DCLK2: variants seen among roughly 807,000 people sequenced by gnomAD.
The protein encoded by DCLK2 is serine/threonine-protein kinase DCLK2.
A neutral mutation model predicts 78.4 loss-of-function variants in DCLK2; 31 were observed. That is an observed-to-expected ratio of 0.40 (90% CI 0.30 to 0.53). The LOEUF (loss-of-function observed/expected upper bound fraction) is 0.53. Among genes scored for constraint, DCLK2 ranks in the 20% least tolerant of loss-of-function variants. The pLI is 0.61. For missense variants in DCLK2, 872 were observed against 973.7 expected (o/e 0.90, Z 1.39); for synonymous variants, 407 against 374.9 (o/e 1.09, Z -0.99).
chr4:150,233,569 T>C (rs1742242540), intron 10 of DCLK2, among the ~76,000 whole-genome samples: 1 of 152,194 alleles, frequency 6.6e-6, no homozygotes, highest in African/African-American at 2.4e-5. Context: ...GGGAATAATT[T>C]TGGAAATAGT....
At chr4:150,221,003 C>T (rs1484096978) in intron 6 of DCLK2, among the ~76,000 whole-genome samples, 1 of 152,174 alleles carries the variant, frequency 6.6e-6, no homozygotes, top group Non-Finnish European at 1.5e-5. Flanking sequence ...AGATTTTAGA[C>T]TTGGGCTTCT....
intron 2 of DCLK2, among the ~76,000 whole-genome samples, chr4:150,104,782 A>C (rs1201277946): frequency 1.3e-5 from 2 of 152,152 alleles, no homozygotes; most frequent in Non-Finnish European, 2.9e-5. Context: ...CACTAAAAAA[A>C]AAATTTCTAT....
At chr4:150,153,012 C>T (rs1029458192) in intron 2 of DCLK2, among the ~76,000 whole-genome samples, 3 of 152,204 alleles carry the variant, frequency 2.0e-5, no homozygotes, top group South Asian at 4.1e-4. Flanking sequence ...TCCCTCCTCT[C>T]CAGAGTTGGA....
At position 150,079,120 on chromosome 4, in the gene DCLK2, CG is replaced by C; in HGVS notation, c.98del (p.Gly33AlafsTer72). 6.3e-7 allele frequency: 1 copy of C among 1,580,320 alleles called. No individual in the cohort carries two copies. Among genetic ancestry groups the C allele is most frequent in the Non-Finnish European group, 8.6e-7 (1 of 1,164,788 alleles). On this transcript the variant is annotated frameshift_variant, in exon 1 of 16. Transcript: ENST00000296550. LOFTEE classifies it high-confidence loss of function. ...CGCGGAGAGGGGCCCCCAGCTCCTC[CG>C]GGGGCAGCAGCAGCTCGGGCCCCAA... is the stretch of plus-strand genomic sequence containing the variant. ...GSRRGAPSSS[G>X]GSSSSGPKGN...
chr4:150,168,433 C>G (rs1193869396), intron 2 of DCLK2, among the ~76,000 whole-genome samples: 1 of 151,868 alleles, frequency 6.6e-6, no homozygotes, highest in African/African-American at 2.4e-5. Context: ...AGTGTAAAGA[C>G]TTCCTTTCAT....
At chr4:150,154,415 T>C (rs924335508) in intron 2 of DCLK2, among the ~76,000 whole-genome samples, 2 of 152,162 alleles carry the variant, frequency 1.3e-5, no homozygotes, top group African/African-American at 4.8e-5. Context: ...TCTCTTAAGG[T>C]GCTTATCTTG....
chr4:150,167,601 G>A (rs1275253161), intron 2 of DCLK2, among the ~76,000 whole-genome samples: 2 of 152,202 alleles, frequency 1.3e-5, no homozygotes, highest in South Asian at 4.1e-4. Flanking sequence ...ACAGTAGGTA[G>A]CTAGTCAGGC....
intron 2 of DCLK2, among the ~76,000 whole-genome samples, chr4:150,185,237 A>G (rs1385894301): frequency 6.6e-6 from 1 of 152,150 alleles, no homozygotes; most frequent in South Asian, 2.1e-4. Context: ...AAAGCCCCTT[A>G]TAAAACCATC....
At chr4:150,180,734 T>TC (rs1737449321) in intron 2 of DCLK2, among the ~76,000 whole-genome samples, 1 of 151,870 alleles carries the variant, frequency 6.6e-6, no homozygotes, top group African/African-American at 2.4e-5. Context: ...CCCCTCTTTC[T>TC]CCCCCAGGCA....
At chr4:150,237,476 T>C (rs994504025) in intron 10 of DCLK2, among the ~76,000 whole-genome samples, 3 of 152,232 alleles carry the variant, frequency 2.0e-5, no homozygotes, top group Admixed American at 1.3e-4. Context: ...GTGTTAGAGA[T>C]GTGTATTCAG....
At chr4:150,246,670 CCCA>C (rs34220894) in intron 12 of DCLK2, among the ~76,000 whole-genome samples, 76,901 of 151,740 alleles carry the variant, frequency 0.51, 19,985 homozygotes, top group Non-Finnish European at 0.54. Flanking sequence ...CATCGATGCA[CCCA>C]CCAAGTGAGG....
intron 12 of DCLK2, among the ~76,000 whole-genome samples, chr4:150,243,920 A>G (rs1743107038): frequency 7.0e-6 from 1 of 143,682 alleles, no homozygotes; most frequent in African/African-American, 2.6e-5. Flanking sequence ...CCCAGTCTGT[A>G]AATTTTATTT....
At chr4:150,175,044 TTATATATTTA>T (rs1736893300) in intron 2 of DCLK2, among the ~76,000 whole-genome samples, 1 of 34,398 alleles carries the variant, frequency 2.9e-5, no homozygotes, top group African/African-American at 9.9e-5. Context: ...TTATATATAT[TTATATATTTA>T]TATATATATT....
At chr4:150,097,800 G>A (rs1178490696) in intron 1 of DCLK2, among the ~76,000 whole-genome samples, 1 of 151,982 alleles carries the variant, frequency 6.6e-6, no homozygotes, top group East Asian at 1.9e-4. Context: ...AACCCTCTTT[G>A]TATATAGTAC....
intron 2 of DCLK2, among the ~76,000 whole-genome samples, chr4:150,169,248 T>C (rs1736322954): frequency 6.6e-6 from 1 of 152,230 alleles, no homozygotes; most frequent in African/African-American, 2.4e-5. Context: ...AACTGACTGA[T>C]GCTTTAGGGT....
intron 2 of DCLK2, among the ~76,000 whole-genome samples, chr4:150,129,780 C>T (rs1319218423): frequency 6.6e-6 from 1 of 151,646 alleles, no homozygotes; most frequent in Non-Finnish European, 1.5e-5. Context: ...TTAAAATGAT[C>T]TATGGAACAA....
At position 150,240,493 on chromosome 4, in the gene DCLK2, G is replaced by A. The variant is rs1425576681; in HGVS notation, c.1778+17G>A. The A allele has an allele frequency of 3.1e-6, 5 of 1,603,438 alleles. No individual in the cohort carries two copies. The highest frequency in any genetic ancestry group is 3.4e-6 in the Non-Finnish European group (4 of 1,173,158). ...ATTCCGAAGGTAGGCGGCCTTTTGG[G>A]CGACGTATTTGAATTGCAAATGTTC... On this transcript the variant is annotated intron_variant, in intron 12 of 15. Transcript: ENST00000296550.
At chr4:150,229,031 TCAAAAAAAAAA>T (rs1449114236) in intron 8 of DCLK2, among the ~76,000 whole-genome samples, 4 of 135,376 alleles carry the variant, frequency 3.0e-5, no homozygotes, top group Admixed American at 1.6e-4. Context: ...AGACTCCGTC[TCAAAAAAAAAA>T]CAAAAAAAAA....
chr4:150,199,173 G>T (rs1739284442), intron 4 of DCLK2: 9 of 1,153,496 alleles, frequency 7.8e-6, no homozygotes, highest in Non-Finnish European at 1.1e-5. Context: ...TTCCATGAAT[G>T]TATCTGGCTT....
Sources: allele counts gnomAD v4.1 joint callset (sites outside exome capture counted in the v4.1 genomes callset), GRCh38; gene constraint gnomAD v4.1.1; transcripts MANE v1.5; gene names NCBI Gene and HGNC (gene_info 2026-07-23, HGNC 2026-07-21).